Variants in MIB1 observed in about 807,000 individuals in gnomAD.
MIB1 encodes the protein E3 ubiquitin-protein ligase MIB1.
Under a neutral mutation model 124.5 loss-of-function variants are expected in MIB1, and 278 were observed. The ratio of observed to expected loss-of-function variants is 2.23; its 90% CI spans 2.02 to 2.47. The LOEUF is 2.47. Ranked by LOEUF, MIB1 falls within the 30% of genes most tolerant of loss-of-function variation. The pLI, the probability that MIB1 is intolerant of heterozygous loss-of-function variation, is 0.00. For synonymous variants in MIB1, 446 were observed against 429.4 expected, an observed-to-expected ratio of 1.04 and a Z score of -0.48; for missense variants, 957 against 1,254.4, an observed-to-expected ratio of 0.76 and a Z score of 3.58.
At chr18:21,706,552 G>A (rs541260333) in intron 1 of MIB1, among the ~76,000 whole-genome samples, 5 of 152,264 alleles carry the variant, frequency 3.3e-5, no homozygotes, top group East Asian at 3.9e-4. Flanking sequence ...GCTGTGCCCC[G>A]CGATCACGGG....
intron 10 of MIB1, among the ~76,000 whole-genome samples, chr18:21,815,011 T>TTTTATATATA (rs2041812523): frequency 3.8e-5 from 2 of 52,650 alleles, no homozygotes; most frequent in South Asian, 1.5e-3. Context: ...GCTGTTGGTT[T>TTTTATATATA]TATATATATA....
chr18:21,758,836 T>G (rs1191820614), intron 1 of MIB1, among the ~76,000 whole-genome samples: 1 of 152,136 alleles, frequency 6.6e-6, no homozygotes, highest in African/African-American at 2.4e-5. Context: ...CCCAGCTGAC[T>G]TATAAATTTT....
intron 1 of MIB1, among the ~76,000 whole-genome samples, chr18:21,760,144 A>G (rs1359627106): frequency 6.6e-6 from 1 of 152,230 alleles, no homozygotes; most frequent in Non-Finnish European, 1.5e-5. Flanking sequence ...TTCTATAGAA[A>G]GGAAAAAAAA....
chr18:21,712,926 A>T (rs1484338121), intron 1 of MIB1, among the ~76,000 whole-genome samples: 1 of 151,914 alleles, frequency 6.6e-6, no homozygotes, highest in East Asian at 1.9e-4. Context: ...TTTGCCCACC[A>T]ATGTATCTAT....
chr18:21,713,786 T>TG (rs930875593), intron 1 of MIB1, among the ~76,000 whole-genome samples: 2 of 138,340 alleles, frequency 1.4e-5, no homozygotes, highest in Non-Finnish European at 3.1e-5. Flanking sequence ...TTAGTAGAGG[T>TG]GGGGGTTTCA....
At chr18:21,848,043 A>G (rs1205627832) in intron 16 of MIB1, among the ~76,000 whole-genome samples, 1 of 152,170 alleles carries the variant, frequency 6.6e-6, no homozygotes, top group Non-Finnish European at 1.5e-5. Context: ...ATTTATGTGT[A>G]GTGATGAAAT....
chr18:21,754,091 G>C (rs2041004641), intron 1 of MIB1, among the ~76,000 whole-genome samples: 2 of 152,222 alleles, frequency 1.3e-5, no homozygotes, highest in Admixed American at 1.3e-4. Flanking sequence ...TTTGCCAGTT[G>C]GATCCCTGTT....
At chr18:21,750,366 C>T (rs917531415) in intron 1 of MIB1, among the ~76,000 whole-genome samples, 6 of 151,786 alleles carry the variant, frequency 4.0e-5, no homozygotes, top group Admixed American at 1.3e-4. Flanking sequence ...CTCGCTCTGT[C>T]GTCCAGGCTA....
intron 12 of MIB1, among the ~76,000 whole-genome samples, chr18:21,837,404 A>T (rs939490366): frequency 2.6e-5 from 4 of 152,204 alleles, no homozygotes; most frequent in African/African-American, 9.6e-5. Flanking sequence ...GCTACTCGGG[A>T]GGCTGAGGCA....
intron 18 of MIB1, among the ~76,000 whole-genome samples, chr18:21,855,751 C>T (rs2042220698): frequency 6.6e-6 from 1 of 152,136 alleles, no homozygotes; most frequent in African/African-American, 2.4e-5. Flanking sequence ...TAGTGGTTTG[C>T]CATAACCTGG....
intron 12 of MIB1, chr18:21,825,711 A>G (rs367730853): frequency 1.1e-4 from 58 of 532,142 alleles, no homozygotes; most frequent in African/African-American, 1.1e-3. Flanking sequence ...ATGCATAGCT[A>G]CAGCTGGTTG....
Position 21,784,680 on chromosome 18 carries a change from A to G in MIB1, c.908+4995A>G, listed in dbSNP as rs146904723. On this transcript the variant is annotated intron_variant, in intron 6 of 20. Transcript: ENST00000261537. ...ATACAGATATAGGAGCTGAAGGGAC[A>G]TGGTGAGAAGTGACCAGAAGAGAAG... 3.7e-4 allele frequency among the ~76,000 whole-genome samples: 57 copies of G among 152,330 alleles called. No homozygotes were observed. In the East Asian group the frequency reaches 9.5e-3, roughly 25 times the overall value.
chr18:21,798,249 C>A, intron 8 of MIB1, 21 bp downstream of exon 8: 1 of 1,610,818 alleles, frequency 6.2e-7, no homozygotes, highest in Non-Finnish European at 8.5e-7. Flanking sequence ...TATTGTGTTT[C>A]TTTAAGAGTA....
chr18:21,780,081 A>G (rs1463280838), intron 6 of MIB1, among the ~76,000 whole-genome samples: 1 of 152,158 alleles, frequency 6.6e-6, no homozygotes, highest in Admixed American at 6.5e-5. Flanking sequence ...CCTTTGGTGC[A>G]TATCTCCAGG....
chr18:21,723,479 A>G (rs947867710), intron 1 of MIB1, among the ~76,000 whole-genome samples: 2 of 152,134 alleles, frequency 1.3e-5, no homozygotes, highest in African/African-American at 2.4e-5. Flanking sequence ...GCTAAGTAAT[A>G]TATGTATGTA....
chr18:21,739,709 A>G (rs1316870205), upstream of MIB1, among the ~76,000 whole-genome samples: 1 of 151,926 alleles, frequency 6.6e-6, no homozygotes, highest in African/African-American at 2.4e-5. Context: ...AGTGAGATAT[A>G]TCCCCCAAGA....
intron 6 of MIB1, among the ~76,000 whole-genome samples, chr18:21,779,998 C>T (rs2041340452): frequency 6.6e-6 from 1 of 152,026 alleles, no homozygotes; most frequent in Non-Finnish European, 1.5e-5. Context: ...GGTCTGAATA[C>T]AGCTTAAAAG....
intron 20 of MIB1, among the ~76,000 whole-genome samples, chr18:21,864,097 C>G (rs1201110012): frequency 1.3e-5 from 2 of 152,086 alleles, no homozygotes; most frequent in African/African-American, 4.8e-5. Flanking sequence ...CTTTTCAGCT[C>G]AAAGGTTGGG....
At chr18:21,733,992 G>C (rs1238357147) in intron 1 of MIB1, among the ~76,000 whole-genome samples, 2 of 151,968 alleles carry the variant, frequency 1.3e-5, no homozygotes, top group Non-Finnish European at 2.9e-5. Flanking sequence ...AAAAACTGCT[G>C]ATTACTTTGG....
Sources: gnomAD v4.1 joint callset for allele counts (sites outside exome capture counted in the v4.1 genomes callset) on GRCh38, gnomAD v4.1.1 for gene constraint, MANE v1.5 for transcripts, NCBI Gene and HGNC (gene_info 2026-07-23, HGNC 2026-07-21) for gene names.